LY86: variants seen among roughly 807,000 people sequenced by gnomAD.
LY86 encodes lymphocyte antigen 86, also known as MD-1, RP105-associated.
Under a neutral mutation model 17.3 loss-of-function variants are expected in LY86, and 20 were observed. The observed-to-expected ratio is 1.15, with a 90% CI of 0.81 to 1.68. The LOEUF is 1.68. Ranked by LOEUF, LY86 falls within the 40% of genes most tolerant of loss-of-function variation. The probability of loss-of-function intolerance (pLI) is 0.00; values close to 1 mark genes in which losing one functional copy is unlikely to be tolerated. For synonymous variants in LY86, 74 were observed against 70.6 expected (o/e 1.05, Z -0.24); for missense variants, 200 against 191.9 (o/e 1.04, Z -0.25).
At chr6:6,612,450 G>A (rs936790568) in intron 1 of LY86, among the ~76,000 whole-genome samples, 3 of 152,172 alleles carry the variant, frequency 2.0e-5, no homozygotes, top group Non-Finnish European at 2.9e-5. Flanking sequence ...TTCATGGGGA[G>A]TGTTACACTT....
At chr6:6,589,022 T>TG in intron 1 of LY86, 152 bp downstream of exon 1, 1 of 991,874 alleles carries the variant, frequency 1.0e-6, no homozygotes, top group Non-Finnish European at 1.4e-6. Context: ...GGAGGGCCAC[T>TG]GGGAGCTTTT....
Position 6,654,774 on chromosome 6 carries a change from T to G in LY86, c.*147T>G. 1.6e-6 allele frequency: 1 copy of G among 642,502 alleles called. No homozygotes were observed. 39.8% of individuals were successfully genotyped at this position (642,502 alleles called of 1,614,324 possible). A position where few individuals can be genotyped will look rare whatever the true frequency, so the allele number is the denominator to read the frequency against. Reference sequence around the variant, plus strand: ...CCCCAAAGAGTGCAGCTGCTAATTTTAGTCCCAGGACCAGACATCCCCAGA... The same window carrying G: ...CCCCAAAGAGTGCAGCTGCTAATTTGAGTCCCAGGACCAGACATCCCCAGA... On this transcript the variant is annotated 3_prime_UTR_variant, in exon 5 of 5. Transcript: ENST00000230568.
chr6:6,613,642 C>T (rs1237567765), intron 1 of LY86, among the ~76,000 whole-genome samples: 1 of 152,244 alleles, frequency 6.6e-6, no homozygotes, highest in African/African-American at 2.4e-5. Flanking sequence ...TCATATCTCC[C>T]CGCAAGCTGA....
intron 1 of LY86, among the ~76,000 whole-genome samples, chr6:6,613,846 C>A (rs904710534): frequency 2.7e-5 from 4 of 149,094 alleles, no homozygotes; most frequent in Non-Finnish European, 6.1e-5. Context: ...ATCCGCCTTC[C>A]TTCAGTCACT....
rs138498030 is a variant in LY86 at position 6,601,736 on chromosome 6, A to G, written c.136+12866A>G. On this transcript the variant is annotated intron_variant, in intron 1 of 4. Coordinates refer to ENST00000230568, the MANE Select transcript of LY86 (RefSeq NM_004271.4). ...CACTGTCTCGAAAAAAAAAGAAAAA[A>G]AAAGAAATATACAATAGAAAGCAGA... Among the ~76,000 whole-genome samples the G allele has an allele frequency of 4.2e-3, 642 of 152,148 alleles. 4 individuals are homozygous for G. The highest frequency in any genetic ancestry group is 0.014 in the African/African-American group (588 of 41,542).
intron 1 of LY86, among the ~76,000 whole-genome samples, chr6:6,612,298 G>A (rs1036516064): frequency 6.6e-6 from 1 of 152,304 alleles, no homozygotes; most frequent in East Asian, 1.9e-4. Flanking sequence ...TGGGTTAGTG[G>A]CCTTGCTAAC....
At chr6:6,605,008 C>G (rs564808289) in intron 1 of LY86, among the ~76,000 whole-genome samples, 44 of 149,728 alleles carry the variant, frequency 2.9e-4, no homozygotes, top group Admixed American at 5.3e-4. Context: ...TTAAGTCATT[C>G]AATAGTAAGT....
chr6:6,630,717 A>G (rs898759787), intron 3 of LY86, among the ~76,000 whole-genome samples: 1 of 152,168 alleles, frequency 6.6e-6, no homozygotes, highest in African/African-American at 2.4e-5. Context: ...CCGTTACCCC[A>G]GTGGGTCTCC....
intron 1 of LY86, among the ~76,000 whole-genome samples, chr6:6,610,698 G>A (rs951578274): frequency 6.6e-6 from 1 of 152,174 alleles, no homozygotes; most frequent in Non-Finnish European, 1.5e-5. Context: ...TTTGTGGGGT[G>A]TGTGTGTGCA....
intron 1 of LY86, among the ~76,000 whole-genome samples, chr6:6,624,374 AATGGG>A (rs141299295): frequency 9.8e-6 from 1 of 101,714 alleles, no homozygotes; most frequent in Non-Finnish European, 1.9e-5. Context: ...CATTACATTA[AATGGG>A]ATGGGATGGG....
chr6:6,619,070 A>G (rs1761617313), intron 1 of LY86, among the ~76,000 whole-genome samples: 1 of 152,176 alleles, frequency 6.6e-6, no homozygotes, highest in African/African-American at 2.4e-5. Context: ...TCCTCCTGTA[A>G]AGGTCTACGG....
At chr6:6,601,675 G>A (rs1333098374) in intron 1 of LY86, among the ~76,000 whole-genome samples, 1 of 151,916 alleles carries the variant, frequency 6.6e-6, no homozygotes, top group Non-Finnish European at 1.5e-5. Flanking sequence ...AGCAGAGATC[G>A]TGCCACTGCA....
At chr6:6,617,213 T>C (rs1396241590) in intron 1 of LY86, among the ~76,000 whole-genome samples, 1 of 152,240 alleles carries the variant, frequency 6.6e-6, no homozygotes, top group African/African-American at 2.4e-5. Context: ...TAACCAATAG[T>C]AGGGCTCTGG....
intron 3 of LY86, among the ~76,000 whole-genome samples, chr6:6,632,939 T>A (rs1761914972): frequency 6.6e-6 from 1 of 152,158 alleles, no homozygotes; most frequent in South Asian, 2.1e-4. Context: ...CACAGCCCTG[T>A]CTAGCTTGGA....
intron 3 of LY86, among the ~76,000 whole-genome samples, chr6:6,631,427 C>G (rs972855494): frequency 1.3e-5 from 2 of 152,168 alleles, no homozygotes; most frequent in Non-Finnish European, 2.9e-5. Context: ...CTCATTTCAG[C>G]CCTCCACTAA....
intron 4 of LY86, among the ~76,000 whole-genome samples, chr6:6,652,090 G>C (rs539739767): frequency 4.1e-5 from 6 of 147,644 alleles, no homozygotes; most frequent in Non-Finnish European, 8.9e-5. Flanking sequence ...AAGGAAAAAG[G>C]TTGACCAGAT....
chr6:6,622,474 C>T lies in LY86; in HGVS notation c.137-2452C>T, dbSNP rs190636637. On this transcript the variant is annotated intron_variant, in intron 1 of 4. Transcript: ENST00000230568. The stretch of plus-strand genomic sequence containing the variant: ...ATGTAGCAGGAACTATCGTCTCCAA[C>T]CCCCTGCTCCTATTTTCCAGGCTGA... Among the ~76,000 whole-genome samples the T allele has an allele frequency of 1.4e-3, 215 of 152,304 alleles. 2 individuals carry two copies. The Middle Eastern group carries it at 0.017, about 12-fold the overall frequency.
chr6:6,590,092 T>C (rs925223625), intron 1 of LY86, among the ~76,000 whole-genome samples: 14 of 123,948 alleles, frequency 1.1e-4, no homozygotes, highest in African/African-American at 4.4e-4. Flanking sequence ...TACTCCAGCC[T>C]GGGCAAGAGG....
intron 1 of LY86, among the ~76,000 whole-genome samples, chr6:6,594,689 G>A (rs1325621001): frequency 6.6e-6 from 1 of 152,108 alleles, no homozygotes; most frequent in African/African-American, 2.4e-5. Context: ...ATGATTGCAA[G>A]GTATTTATAA....
Sources: allele counts gnomAD v4.1 joint callset (sites outside exome capture counted in the v4.1 genomes callset), GRCh38; gene constraint gnomAD v4.1.1; transcripts MANE v1.5; gene names NCBI Gene and HGNC (gene_info 2026-07-23, HGNC 2026-07-21).